The following LYSMD4 variants were observed in gnomAD, a reference collection of about 807,000 sequenced individuals.
LYSMD4 encodes the protein lysM and putative peptidoglycan-binding domain-containing protein 4.
Under a neutral mutation model 6.1 loss-of-function variants are expected in LYSMD4, and 9 were observed. The observed-to-expected ratio is 1.47, with a 90% CI of 0.88 to 2.56. The LOEUF (loss-of-function observed/expected upper bound fraction) is 2.56, where lower values mean the gene tolerates loss of function less well. LYSMD4 is among the 30% of genes most tolerant of loss of function. LYSMD4 has a pLI of 0.00. For missense variants in LYSMD4, 384 were observed against 373.5 expected, an observed-to-expected ratio of 1.03 and a Z score of -0.23; for synonymous variants, 143 against 148.5, an observed-to-expected ratio of 0.96 and a Z score of 0.27.
In LYSMD4 at chr15:99,716,925, AATAC is replaced by A. The variant is rs1344374988; in HGVS notation, c.-132_-129del. ...GTGTGAAATGATTAGTTTTGCCCAA[AATAC>A]ATACATGATGCTGAGCTAGATGCAG... On this transcript the variant is annotated 5_prime_UTR_variant, in exon 1 of 1. Coordinates refer to the LYSMD4 transcript ENST00000378904. The A allele has an allele frequency of 2.7e-5, 9 of 335,442 alleles. No homozygotes were observed. In the Admixed American group the frequency reaches 3.5e-4, roughly 13 times the overall value. 20.8% of individuals were successfully genotyped at this position (335,442 alleles called of 1,614,324 possible).
Position 99,731,906 on chromosome 15 carries a change from T to C in LYSMD4, c.94A>G (p.Ser32Gly), listed in dbSNP as rs1408960143. ...TCAGAAGAGTCCCCCGAGTCCCCAC[T>C]GCCATTCTTAAACATGTATACGTGG... ...TSHVYMFKNGSGDSGDSSEEE... is the reference protein window; with the variant it reads ...TSHVYMFKNGGGDSGDSSEEE... Residue 32 changes from serine to glycine, a missense_variant, in exon 2 of 3, where the codon AGT becomes GGT. Coordinates refer to ENST00000684762, the MANE Select transcript of LYSMD4 (RefSeq NM_001284417.2). 6.2e-7 allele frequency: 1 copy of C among 1,613,504 alleles called. No homozygotes were observed. Among genetic ancestry groups the C allele is most frequent in the East Asian group, 2.2e-5 (1 of 44,890 alleles).
At chr15:99,729,858 C>A in intron 2 of LYSMD4, 127 bp from the exon 3 acceptor site, 2 of 1,204,536 alleles carry the variant, frequency 1.7e-6, no homozygotes, top group Non-Finnish European at 2.3e-6. Context: ...CTGATGAAGA[C>A]TGGAAAACTG....
At chr15:99,723,458 AT>A (rs2059253145), downstream of LYSMD4, among the ~76,000 whole-genome samples, 1 of 152,298 alleles carries the variant, frequency 6.6e-6, no homozygotes, top group South Asian at 2.1e-4. Flanking sequence ...TATCTTCTGT[AT>A]TCTTGATGCT....
At chr15:99,726,146 G>GTTTTTTTT (rs10637642), downstream of LYSMD4, among the ~76,000 whole-genome samples, 10 of 62,164 alleles carry the variant, frequency 1.6e-4, no homozygotes, top group South Asian at 7.1e-4. Flanking sequence ...GTCTCAAGTG[G>GTTTTTTTT]TTTTTTTTTT....
At chr15:99,725,283 T>G (rs1427250725), downstream of LYSMD4, among the ~76,000 whole-genome samples, 1 of 152,174 alleles carries the variant, frequency 6.6e-6, no homozygotes, top group Admixed American at 6.5e-5. Flanking sequence ...TGTATTTCCA[T>G]TATCTCAAGT....
upstream of LYSMD4, among the ~76,000 whole-genome samples, chr15:99,718,921 A>ATG (rs1567544510): frequency 2.0e-5 from 3 of 148,592 alleles, no homozygotes; most frequent in Admixed American, 1.3e-4. Context: ...ACACACACAC[A>ATG]CACACACACA....
downstream of LYSMD4, among the ~76,000 whole-genome samples, chr15:99,725,541 T>C (rs1433162349): frequency 6.6e-6 from 1 of 152,166 alleles, no homozygotes; most frequent in African/African-American, 2.4e-5. Flanking sequence ...AACCTGGTGT[T>C]GGGTCTGATC....
chr15:99,733,224 C>G, intron 1 of LYSMD4, 121 bp downstream of exon 1: 1 of 373,982 alleles, frequency 2.7e-6, no homozygotes. Flanking sequence ...GAGCGTCCCC[C>G]TAGGAGCCCG....
At chr15:99,725,279 T>C (rs10902550), downstream of LYSMD4, among the ~76,000 whole-genome samples, 146,704 of 152,240 alleles carry the variant, frequency 0.96, 70,902 homozygotes, top group East Asian at 1. Context: ...CAATTGTATT[T>C]CCATTATCTC....
rs766566422 is a variant in LYSMD4 at position 99,731,841 on chromosome 15, C to T, written c.159G>A (p.Lys53=). 11 of 1,613,248 alleles carry T rather than the reference C, an allele frequency of 6.8e-6. No individual in the cohort carries two copies. The Admixed American group carries it at 1.8e-4, about 27-fold the overall frequency. Residue 53 remains lysine (K), a synonymous_variant, in exon 2 of 3, where the codon AAG becomes AAA. Coordinates refer to ENST00000684762, the MANE Select transcript of LYSMD4 (RefSeq NM_001284417.2). ...GGTGGACACCGCTCTTGTGGCGCTC[C>T]TTGCCCCGGGGCCGCAAAACCACAC... The part of the protein sequence containing the change: ...SHRVVLRPRG[K]ERHKSGVHQP...
At chr15:99,719,444 C>T (rs979374196), upstream of LYSMD4, among the ~76,000 whole-genome samples, 1 of 152,156 alleles carries the variant, frequency 6.6e-6, no homozygotes, top group Non-Finnish European at 1.5e-5. Flanking sequence ...TAGCCTCTTC[C>T]TATCCCCGCC....
At chr15:99,721,321 A>G (rs1232891903), upstream of LYSMD4, among the ~76,000 whole-genome samples, 1 of 152,126 alleles carries the variant, frequency 6.6e-6, no homozygotes, top group Non-Finnish European at 1.5e-5. Context: ...TTTAGGGAGG[A>G]GGGAGGAGCA....
upstream of LYSMD4, among the ~76,000 whole-genome samples, chr15:99,718,832 T>C (rs1441394192): frequency 3.3e-5 from 5 of 152,304 alleles, no homozygotes; most frequent in East Asian, 9.6e-4. Context: ...GGGCAATAGA[T>C]GTGCTTATTG....
chr15:99,728,580 G>A lies in LYSMD4; in HGVS notation c.*543C>T, dbSNP rs2059325647. On this transcript the variant is annotated 3_prime_UTR_variant, in exon 3 of 3. Coordinates refer to ENST00000684762, the MANE Select transcript of LYSMD4 (RefSeq NM_001284417.2). ...ATTGCCTCAAAAAGGCTAACTGAGG[G>A]GGCCAATATGAAGTAGGCTTGTTAC... 1 of 162,284 alleles carries A rather than the reference G, an allele frequency of 6.2e-6. No individual in the cohort carries two copies. The highest frequency in any genetic ancestry group is 1.4e-5 in the Non-Finnish European group (1 of 72,636). The allele number at this position is 162,284 out of a possible 1,614,324, so 10.1% of individuals were successfully genotyped here. A position where few individuals can be genotyped will look rare whatever the true frequency, so the allele number is the denominator to read the frequency against.
rs2059329672 is a variant in LYSMD4, at chr15:99,728,739, A to G, written c.*384T>C. On this transcript the variant is annotated 3_prime_UTR_variant, in exon 3 of 3. Coordinates refer to ENST00000684762, the MANE Select transcript of LYSMD4 (RefSeq NM_001284417.2). ...AGGAAGTGAGGATACAGCAAGAGCCAGGCAAGCCGCGCAGATGCCACTGGC... is the reference window on the plus strand; with the variant it reads ...AGGAAGTGAGGATACAGCAAGAGCCGGGCAAGCCGCGCAGATGCCACTGGC... 4.2e-6 allele frequency: 1 copy of G among 238,188 alleles called. No individual in the cohort carries two copies. The highest frequency in any genetic ancestry group is 8.4e-6 in the Non-Finnish European group (1 of 118,668). 14.8% of individuals were successfully genotyped at this position (238,188 alleles called of 1,614,324 possible). A position where few individuals can be genotyped will look rare whatever the true frequency, so the allele number is the denominator to read the frequency against.
At chr15:99,732,106 C>T (rs2059433425) in intron 1 of LYSMD4, 99 bp from the exon 2 acceptor site, 2 of 1,276,294 alleles carry the variant, frequency 1.6e-6, no homozygotes, top group Non-Finnish European at 2.1e-6. Context: ...ATTCCTTTTC[C>T]TAATCGCTGC....
At chr15:99,723,949 C>A (rs1227788708), downstream of LYSMD4, among the ~76,000 whole-genome samples, 1 of 150,956 alleles carries the variant, frequency 6.6e-6, no homozygotes, top group Admixed American at 6.6e-5. Context: ...TAGAACCTAG[C>A]CTCAAACTAG....
At chr15:99,725,390 G>A (rs1038643933), downstream of LYSMD4, among the ~76,000 whole-genome samples, 1 of 152,082 alleles carries the variant, frequency 6.6e-6, no homozygotes, top group South Asian at 2.1e-4. Context: ...TTTCTTTGTT[G>A]GATTACCAAT....
At position 99,732,960 on chromosome 15, in the gene LYSMD4, G is replaced by C. The variant is rs986329400; in HGVS notation, c.-9+385C>G. Reference sequence around the variant, plus strand: ...GACCACGGCGGCAGCCCGGGGACGGGGCCAGCCTTCGCGTCCGAGCTCAGG... The same window carrying C: ...GACCACGGCGGCAGCCCGGGGACGGCGCCAGCCTTCGCGTCCGAGCTCAGG... On this transcript the variant is annotated intron_variant, in intron 1 of 2. Coordinates refer to ENST00000684762, the MANE Select transcript of LYSMD4 (RefSeq NM_001284417.2). The C allele has an allele frequency of 8.5e-5, 15 of 176,448 alleles. No individual in the cohort carries two copies. The East Asian group carries it at 2.1e-3, about 25-fold the overall frequency. 10.9% of individuals were successfully genotyped at this position (176,448 alleles called of 1,614,324 possible). A position where few individuals can be genotyped will look rare whatever the true frequency, so the allele number is the denominator to read the frequency against.
Sources: gnomAD v4.1 joint callset for allele counts (sites outside exome capture counted in the v4.1 genomes callset) on GRCh38, gnomAD v4.1.1 for gene constraint, MANE v1.5 for transcripts, NCBI Gene and HGNC (gene_info 2026-07-23, HGNC 2026-07-21) for gene names.